The following WNT6 variants were observed in gnomAD, a reference collection of about 807,000 sequenced individuals.
WNT6 encodes the protein Wnt family member 6.
Under a neutral mutation model 33.1 loss-of-function variants are expected in WNT6, and 27 were observed. That is an observed-to-expected ratio of 0.82 (90% CI 0.60 to 1.12). The LOEUF (loss-of-function observed/expected upper bound fraction) is 1.12, where lower values mean the gene tolerates loss of function less well. Among genes scored for constraint, WNT6 ranks in the 50% most tolerant of loss-of-function variants. The pLI is 0.00. For missense variants in WNT6, 494 were observed against 535.3 expected, an observed-to-expected ratio of 0.92 and a Z score of 0.76; for synonymous variants, 249 against 242.8, an observed-to-expected ratio of 1.03 and a Z score of -0.24.
At chr2:218,872,371 T>C (rs1023495399) in intron 3 of WNT6, among the ~76,000 whole-genome samples, 1 of 151,816 alleles carries the variant, frequency 6.6e-6, no homozygotes, top group African/African-American at 2.4e-5. Flanking sequence ...CTAGTGGAGG[T>C]TGGAGGGAGT....
rs1463926853 is a variant in WNT6, at chr2:218,871,610, C to G, written c.427C>G (p.Pro143Ala). 1.3e-6 allele frequency: 2 copies of G among 1,487,082 alleles called. No individual in the cohort carries two copies. The highest frequency in any genetic ancestry group is 4.8e-5 in the Admixed American group (2 of 42,034). 92.1% of individuals were successfully genotyped at this position (1,487,082 alleles called of 1,614,324 possible). Residue 143 changes from proline to alanine, a missense_variant, in exon 3 of 4, where the codon CCC becomes GCC. Coordinates refer to ENST00000233948, the MANE Select transcript of WNT6 (RefSeq NM_006522.4). This position sits in a 1 kb window ranked among gnomAD's most constrained non-coding sequence, Gnocchi z 6.4. ...CCAGGCGCCCCGCGGGCGGGCCCCT[C>G]CCCGGCCCTCCGGCCTGCCCGGCAC... is the stretch of plus-strand genomic sequence containing the variant. ...GCQAPRGRAP[P>A]RPSGLPGTPG...
intron 1 of WNT6, among the ~76,000 whole-genome samples, chr2:218,861,979 G>T (rs1156324815): frequency 6.6e-6 from 1 of 152,222 alleles, no homozygotes; most frequent in African/African-American, 2.4e-5. Flanking sequence ...AGATGGGCTT[G>T]CAGAGTGTCA....
At position 218,860,144 on chromosome 2, in the gene WNT6, C is replaced by T. The variant is rs750558955; in HGVS notation, c.80+27C>T. The T allele has an allele frequency of 2.7e-6, 4 of 1,503,626 alleles. No homozygotes were observed. The South Asian group carries it at 5.0e-5, about 19-fold the overall frequency. 93.1% of individuals were successfully genotyped at this position (1,503,626 alleles called of 1,614,324 possible). ...TGAGTCCGGCTGTCCTGGCGCGGCT[C>T]TGGACCCTGGAGGGTGGGGACCCCG... On this transcript the variant is annotated intron_variant, in intron 1 of 3. Transcript: ENST00000233948.
At position 218,871,651 on chromosome 2, in the gene WNT6, C is replaced by A. The variant is rs1208688716; in HGVS notation, c.468C>A (p.Gly156=). The part of the protein sequence containing the change: ...SGLPGTPGPP[G]PAGSPEGSAA... Reference sequence around the variant, plus strand: ...TGCCCGGCACCCCCGGACCCCCTGGCCCCGCGGGCTCCCCGGAAGGCAGCG... The same window carrying A: ...TGCCCGGCACCCCCGGACCCCCTGGACCCGCGGGCTCCCCGGAAGGCAGCG... The change falls in exon 3 of 4, where the codon GGC becomes GGA. Residue 156 remains glycine (G), a synonymous_variant. Coordinates refer to ENST00000233948, the MANE Select transcript of WNT6 (RefSeq NM_006522.4). This position sits in a 1 kb window ranked among gnomAD's most constrained non-coding sequence, Gnocchi z 6.4. 1.3e-6 allele frequency: 2 copies of A among 1,506,002 alleles called. No homozygotes were observed. Among genetic ancestry groups the A allele is most frequent in the African/African-American group, 1.4e-5 (1 of 69,436 alleles). The allele number at this position is 1,506,002 out of a possible 1,614,324, so 93.3% of individuals were successfully genotyped here.
intron 1 of WNT6, 37 bp downstream of exon 1, chr2:218,860,154 G>A: frequency 6.7e-7 from 1 of 1,494,522 alleles, no homozygotes; most frequent in East Asian, 2.7e-5. Context: ...CTGGACCCTG[G>A]AGGGTGGGGA....
At position 218,871,591 on chromosome 2, in the gene WNT6, G is replaced by A; in HGVS notation, c.408G>A (p.Ala136=). ...AGCTGCTGCAGTGCGGCTGCCAGGC[G>A]CCCCGCGGGCGGGCCCCTCCCCGGC... ...MGELLQCGCQ[A]PRGRAPPRPS... is the part of the protein sequence containing the mutation. Residue 136 remains alanine (A), a synonymous_variant, in exon 3 of 4, where the codon GCG becomes GCA. Coordinates refer to ENST00000233948, the MANE Select transcript of WNT6 (RefSeq NM_006522.4). The surrounding 1 kb of genome is among the most constrained non-coding windows in gnomAD (Gnocchi z 6.4). 3 of 1,519,052 alleles carry A rather than the reference G, an allele frequency of 2.0e-6. No individual in the cohort carries two copies. The highest frequency in any genetic ancestry group is 2.5e-5 in the South Asian group (2 of 80,254). The allele number at this position is 1,519,052 out of a possible 1,614,324, so 94.1% of individuals were successfully genotyped here.
chr2:218,871,881 C>A lies in WNT6; in HGVS notation c.636+62C>A. On this transcript the variant is annotated intron_variant, in intron 3 of 3. Transcript: ENST00000233948. This position sits in a 1 kb window ranked among gnomAD's most constrained non-coding sequence, Gnocchi z 6.4. The stretch of plus-strand genomic sequence containing the variant: ...ATGTGAGTGTGCGCGCAGGAGTGTG[C>A]TTGAGGAAGTGTTGGCAGGAGTGAG... 7.0e-7 allele frequency: 1 copy of A among 1,431,824 alleles called. No homozygotes were observed. The highest frequency in any genetic ancestry group is 2.9e-5 in the East Asian group (1 of 34,588). The allele number at this position is 1,431,824 out of a possible 1,614,324, so 88.7% of individuals were successfully genotyped here. A position where few individuals can be genotyped will look rare whatever the true frequency, so the allele number is the denominator to read the frequency against.
In WNT6 at chr2:218,873,626, C is replaced by T; in HGVS notation, c.879C>T (p.Phe293=). The change falls in exon 4 of 4, where the codon TTC becomes TTT. Residue 293 remains phenylalanine, a synonymous_variant. Coordinates refer to ENST00000233948, the MANE Select transcript of WNT6 (RefSeq NM_006522.4). The surrounding 1 kb of genome is among the most constrained non-coding windows in gnomAD (Gnocchi z 6.1). ...DLLYAADSPD[F]CAPNRRTGSP... ...TCTACGCCGCCGATTCGCCCGACTT[C>T]TGCGCCCCCAACCGACGCACCGGCT... 3.8e-6 allele frequency: 6 copies of T among 1,578,284 alleles called. No individual in the cohort carries two copies. The highest frequency in any genetic ancestry group is 4.3e-6 in the Non-Finnish European group (5 of 1,169,342).
chr2:218,860,012 AC>A lies in WNT6; in HGVS notation c.-23del. On this transcript the variant is annotated 5_prime_UTR_variant, in exon 1 of 4. Transcript: ENST00000233948. ...CGCCCCGCAGCCTCGCCCCCTGCCC[AC>A]CCGGGCGGCCGTAGGGCGGTCACGA... 7.0e-7 allele frequency: 1 copy of A among 1,425,204 alleles called. No homozygotes were observed. Among genetic ancestry groups the A allele is most frequent in the Non-Finnish European group, 9.2e-7 (1 of 1,086,428 alleles). The allele number at this position is 1,425,204 out of a possible 1,614,324, so 88.3% of individuals were successfully genotyped here. A position where few individuals can be genotyped will look rare whatever the true frequency, so the allele number is the denominator to read the frequency against.
At position 218,860,000 on chromosome 2, in the gene WNT6, C is replaced by T. The variant is rs776055363; in HGVS notation, c.-38C>T. The stretch of plus-strand genomic sequence containing the variant: ...CGCGCCGCGGTTCGCCCCGCAGCCT[C>T]GCCCCCTGCCCACCCGGGCGGCCGT... On this transcript the variant is annotated 5_prime_UTR_variant, in exon 1 of 4. Coordinates refer to ENST00000233948, the MANE Select transcript of WNT6 (RefSeq NM_006522.4). 18 of 1,395,004 alleles carry T rather than the reference C, an allele frequency of 1.3e-5. 1 individual carries two copies. The South Asian group carries it at 2.5e-4, about 20-fold the overall frequency. The allele number at this position is 1,395,004 out of a possible 1,614,324, so 86.4% of individuals were successfully genotyped here. A position where few individuals can be genotyped will look rare whatever the true frequency, so the allele number is the denominator to read the frequency against.
chr2:218,872,153 G>A (rs1944408365), intron 3 of WNT6, among the ~76,000 whole-genome samples: 1 of 152,158 alleles, frequency 6.6e-6, no homozygotes, highest in Admixed American at 6.5e-5. Context: ...GACAGGACAG[G>A]TGAAGCAAAG....
Position 218,869,398 on chromosome 2 carries a change from C to T in WNT6, c.81-1629C>T, listed in dbSNP as rs151172797. Among the ~76,000 whole-genome samples, 14 of 152,346 alleles carry T rather than the reference C, an allele frequency of 9.2e-5. No individual in the cohort carries two copies. The East Asian group carries it at 1.4e-3, about 15-fold the overall frequency. On this transcript the variant is annotated intron_variant, in intron 1 of 3. Transcript: ENST00000233948. ...CTCTTGCTTCTATTTAAGACCATCA[C>T]ATTTCATTGTTGTGGAGCCAGAACA...
chr2:218,873,280 CT>C lies in WNT6; in HGVS notation c.637-102del. 1.7e-6 allele frequency: 2 copies of C among 1,159,184 alleles called. No individual in the cohort carries two copies. Among genetic ancestry groups the C allele is most frequent in the South Asian group, 3.1e-5 (2 of 64,292 alleles). 71.8% of individuals were successfully genotyped at this position (1,159,184 alleles called of 1,614,324 possible). The stretch of plus-strand genomic sequence containing the variant: ...TCTCCTTTTGTCTGCATTTTCCTCT[CT>C]TCCTTTCACCTCCCATTCCCAATCT... On this transcript the variant is annotated intron_variant, in intron 3 of 3. Coordinates refer to ENST00000233948, the MANE Select transcript of WNT6 (RefSeq NM_006522.4). This position sits in a 1 kb window ranked among gnomAD's most constrained non-coding sequence, Gnocchi z 6.1.
At position 218,873,881 on chromosome 2, in the gene WNT6, G is replaced by A; in HGVS notation, c.*36G>A. The A allele has an allele frequency of 7.1e-7, 1 of 1,413,422 alleles. No homozygotes were observed. 87.6% of individuals were successfully genotyped at this position (1,413,422 alleles called of 1,614,324 possible). A position where few individuals can be genotyped will look rare whatever the true frequency, so the allele number is the denominator to read the frequency against. ...GGCCGCTAGACTGACTTCGCGCAGC[G>A]GTGGCTCGCACCTGTGGGACCTCAG... On this transcript the variant is annotated 3_prime_UTR_variant, in exon 4 of 4. Coordinates refer to ENST00000233948, the MANE Select transcript of WNT6 (RefSeq NM_006522.4). The surrounding 1 kb of genome is among the most constrained non-coding windows in gnomAD (Gnocchi z 6.1).
rs1944291315 is a variant in WNT6 at position 218,860,001 on chromosome 2, G to A, written c.-37G>A. ...GCGCCGCGGTTCGCCCCGCAGCCTC[G>A]CCCCCTGCCCACCCGGGCGGCCGTA... On this transcript the variant is annotated 5_prime_UTR_variant, in exon 1 of 4. Coordinates refer to ENST00000233948, the MANE Select transcript of WNT6 (RefSeq NM_006522.4). The A allele has an allele frequency of 2.9e-6, 4 of 1,394,074 alleles. No individual in the cohort carries two copies. In the African/African-American group the frequency reaches 4.5e-5, roughly 16 times the overall value. 86.4% of individuals were successfully genotyped at this position (1,394,074 alleles called of 1,614,324 possible).
chr2:218,874,029 A>G lies in WNT6; in HGVS notation c.*184A>G. On this transcript the variant is annotated 3_prime_UTR_variant, in exon 4 of 4. Coordinates refer to ENST00000233948, the MANE Select transcript of WNT6 (RefSeq NM_006522.4). Reference sequence around the variant, plus strand: ...GAGGAACGCCCACCCACGAAGGCCCAGGGCGCCAGACGGCCCCGAAAAGGC... The same window carrying G: ...GAGGAACGCCCACCCACGAAGGCCCGGGGCGCCAGACGGCCCCGAAAAGGC... 4.2e-6 allele frequency: 3 copies of G among 708,020 alleles called. No individual in the cohort carries two copies. The highest frequency in any genetic ancestry group is 4.3e-6 in the Non-Finnish European group (2 of 467,340). The allele number at this position is 708,020 out of a possible 1,614,324, so 43.9% of individuals were successfully genotyped here.
Position 218,873,910 on chromosome 2 carries a change from ACCGGCACCGGGCG to A in WNT6, c.*68_*80del. The A allele has an allele frequency of 7.3e-7, 1 of 1,370,300 alleles. No homozygotes were observed. Among genetic ancestry groups the A allele is most frequent in the Non-Finnish European group, 9.4e-7 (1 of 1,061,328 alleles). The allele number at this position is 1,370,300 out of a possible 1,614,324, so 84.9% of individuals were successfully genotyped here. A position where few individuals can be genotyped will look rare whatever the true frequency, so the allele number is the denominator to read the frequency against. On this transcript the variant is annotated 3_prime_UTR_variant, in exon 4 of 4. Transcript: ENST00000233948. The surrounding 1 kb of genome is among the most constrained non-coding windows in gnomAD (Gnocchi z 6.1). ...GCTCGCACCTGTGGGACCTCAGGGC[ACCGGCACCGGGCG>A]CCTCTCGCCGCTCGAGCCCAGCCTC...
chr2:218,872,839 G>C (rs1181910324), intron 3 of WNT6, among the ~76,000 whole-genome samples: 2 of 152,000 alleles, frequency 1.3e-5, no homozygotes, highest in African/African-American at 4.8e-5. Context: ...TCTAGGGTTC[G>C]GGCCTGAGGC....
In WNT6 at chr2:218,871,580, G is replaced by A; in HGVS notation, c.397G>A (p.Gly133Ser). Residue 133 changes from glycine to serine, a missense_variant, in exon 3 of 4, where the codon GGC becomes AGC. Gly to Ser is a moderately conservative substitution (Grantham distance 56, BLOSUM62 0). Coordinates refer to ENST00000233948, the MANE Select transcript of WNT6 (RefSeq NM_006522.4). The surrounding 1 kb of genome is among the most constrained non-coding windows in gnomAD (Gnocchi z 6.4). ...ACSMGELLQC[G>S]CQAPRGRAPP... is the part of the protein sequence containing the mutation. ...TTCTATGGGCGAGCTGCTGCAGTGCGGCTGCCAGGCGCCCCGCGGGCGGGC... is the reference window on the plus strand; with the variant it reads ...TTCTATGGGCGAGCTGCTGCAGTGCAGCTGCCAGGCGCCCCGCGGGCGGGC... 1 of 1,542,250 alleles carries A rather than the reference G, an allele frequency of 6.5e-7. No individual in the cohort carries two copies. Among genetic ancestry groups the A allele is most frequent in the South Asian group, 1.2e-5 (1 of 83,838 alleles).
Sources: gnomAD v4.1 joint callset for allele counts (sites outside exome capture counted in the v4.1 genomes callset) on GRCh38, gnomAD v4.1.1 for gene constraint, Gnocchi (gnomAD v3.1) non-coding constraint, MANE v1.5 for transcripts, NCBI Gene and HGNC (gene_info 2026-07-23, HGNC 2026-07-21) for gene names.